The following CBFA2T3 variants were observed in gnomAD, a reference collection of about 807,000 sequenced individuals.
The protein encoded by CBFA2T3 is CBFA2/RUNX1 partner transcriptional co-repressor 3.
A neutral mutation model predicts 58.6 loss-of-function variants in CBFA2T3; 31 were observed. That is an observed-to-expected ratio of 0.53 (90% CI 0.40 to 0.71). The LOEUF (loss-of-function observed/expected upper bound fraction) is 0.71. Ranked by LOEUF, CBFA2T3 falls within the 30% of genes least tolerant of loss-of-function variation. The pLI, the probability that CBFA2T3 is intolerant of heterozygous loss-of-function variation, is 0.00. For synonymous variants in CBFA2T3, 531 were observed against 421.9 expected (o/e 1.26, Z -3.17); for missense variants, 1,076 against 963.1 (o/e 1.12, Z -1.55).
intron 5 of CBFA2T3, among the ~76,000 whole-genome samples, chr16:88,889,701 C>T (rs960046859): frequency 1.2e-4 from 18 of 151,736 alleles, no homozygotes; most frequent in South Asian, 2.1e-4. Flanking sequence ...CCTCCAGGGA[C>T]GACACCCCGC....
At chr16:88,952,138 G>C (rs945688610) in intron 1 of CBFA2T3, among the ~76,000 whole-genome samples, 2 of 152,036 alleles carry the variant, frequency 1.3e-5, no homozygotes, top group Admixed American at 6.5e-5. Flanking sequence ...GAACAGGCTC[G>C]CTACTATGCA....
chr16:88,929,745 G>A (rs957447464), intron 1 of CBFA2T3, among the ~76,000 whole-genome samples: 28 of 144,654 alleles, frequency 1.9e-4, no homozygotes, highest in African/African-American at 5.4e-4. Context: ...CCACGCAAAA[G>A]CTACCAATAC....
rs576562872 is a variant in CBFA2T3 at position 88,895,559 on chromosome 16, T to C, written c.379+2519A>G. 3.5e-4 allele frequency among the ~76,000 whole-genome samples: 53 copies of C among 152,108 alleles called. 1 individual carries two copies. Among genetic ancestry groups the C allele is most frequent in the African/African-American group, 1.3e-3 (52 of 41,464 alleles). On this transcript the variant is annotated intron_variant, in intron 3 of 11. Coordinates refer to ENST00000268679, the MANE Select transcript of CBFA2T3 (RefSeq NM_005187.6). The stretch of plus-strand genomic sequence containing the variant: ...GCCCCACACACCGAGCAAACAGCGC[T>C]GGGCACAGTGGCACAGGGGGGAGGC...
chr16:88,879,159 G>C, intron 11 of CBFA2T3, 111 bp downstream of exon 11: 2 of 933,350 alleles, frequency 2.1e-6, no homozygotes, highest in South Asian at 3.1e-5. Flanking sequence ...CAGGATGCCC[G>C]TGACAACTGT....
At chr16:88,904,153 C>T (rs1247203860) in intron 1 of CBFA2T3, among the ~76,000 whole-genome samples, 1 of 152,238 alleles carries the variant, frequency 6.6e-6, no homozygotes, top group Non-Finnish European at 1.5e-5. Flanking sequence ...GATCCCGAAG[C>T]TAGAGCAGAC....
intron 1 of CBFA2T3, among the ~76,000 whole-genome samples, chr16:88,928,940 G>C (rs191932680): frequency 1.4e-4 from 22 of 152,344 alleles, no homozygotes; most frequent in Admixed American, 1.4e-3. Context: ...GGCACGGTGG[G>C]CCAGCAGCAA....
At chr16:88,972,777 C>T (rs980400690) in intron 1 of CBFA2T3, among the ~76,000 whole-genome samples, 1 of 152,172 alleles carries the variant, frequency 6.6e-6, no homozygotes, top group Non-Finnish European at 1.5e-5. Context: ...CGACATGGAG[C>T]CCCCCAACAC....
intron 3 of CBFA2T3, among the ~76,000 whole-genome samples, chr16:88,893,052 C>G (rs543008205): frequency 1.8e-4 from 27 of 152,308 alleles, no homozygotes; most frequent in African/African-American, 5.5e-4. Flanking sequence ...TTCCCACTTT[C>G]TGGAGGCACA....
In CBFA2T3 at chr16:88,930,854, G is replaced by C. The variant is rs974028821; in HGVS notation, c.152-29198C>G. 1.9e-4 allele frequency among the ~76,000 whole-genome samples: 29 copies of C among 149,950 alleles called. 3 individuals are homozygous for C. The highest frequency in any genetic ancestry group is 6.2e-4 in the African/African-American group (25 of 40,388). The stretch of plus-strand genomic sequence containing the variant: ...ATGGGGAGGGGCAGACTGTGGGCTG[G>C]GGGTGGAGGAGTGAGTGGCAGTGGG... On this transcript the variant is annotated intron_variant, in intron 1 of 11. Coordinates refer to ENST00000268679, the MANE Select transcript of CBFA2T3 (RefSeq NM_005187.6).
At chr16:88,947,167 G>A (rs1445111141) in intron 1 of CBFA2T3, among the ~76,000 whole-genome samples, 2 of 152,236 alleles carry the variant, frequency 1.3e-5, no homozygotes, top group Non-Finnish European at 2.9e-5. Context: ...GCAATGTAGG[G>A]ACCCCCCACT....
At chr16:88,954,002 G>A (rs1972144335) in intron 1 of CBFA2T3, among the ~76,000 whole-genome samples, 1 of 152,110 alleles carries the variant, frequency 6.6e-6, no homozygotes, top group African/African-American at 2.4e-5. Flanking sequence ...TGGCTACCTA[G>A]CAGGAAGCTC....
At chr16:88,891,435 C>A (rs75553035) in intron 5 of CBFA2T3, among the ~76,000 whole-genome samples, 5 of 152,322 alleles carry the variant, frequency 3.3e-5, no homozygotes, top group Non-Finnish European at 5.9e-5. Flanking sequence ...GTGGACCGAA[C>A]GCCTTCCCAC....
intron 5 of CBFA2T3, among the ~76,000 whole-genome samples, chr16:88,887,439 C>G (rs538608901): frequency 1.7e-3 from 258 of 152,280 alleles, no homozygotes; most frequent in Non-Finnish European, 3.1e-3. Flanking sequence ...ATCTGGATCC[C>G]TGGCTGGCTG....
chr16:88,940,960 C>T, intron 1 of CBFA2T3: 1 of 851,600 alleles, frequency 1.2e-6, no homozygotes, highest in Non-Finnish European at 1.4e-6. Context: ...CCGGGAACGG[C>T]AGCCGCGGGC....
chr16:88,888,267 G>C (rs575812128), intron 5 of CBFA2T3, among the ~76,000 whole-genome samples: 17 of 150,482 alleles, frequency 1.1e-4, no homozygotes, highest in Non-Finnish European at 2.2e-4. Context: ...CTGCGTGAGA[G>C]TACCCCAGAC....
rs1181387060 is a variant in CBFA2T3, at chr16:88,903,698, G to GGC, written c.152-2044_152-2043dup. Among the ~76,000 whole-genome samples the GGC allele has an allele frequency of 2.2e-4, 30 of 136,076 alleles. 1 individual carries two copies. Among genetic ancestry groups the GGC allele is most frequent in the African/African-American group, 7.1e-4 (27 of 38,106 alleles). 89.3% of individuals were successfully genotyped at this position (136,076 alleles called of 152,430 possible). On this transcript the variant is annotated intron_variant, in intron 1 of 11. Transcript: ENST00000268679. The stretch of plus-strand genomic sequence containing the variant: ...TTCCTGGGGGGGCATTCCTGGGGGG[G>GGC]GCGTTCCTGGTGGGGGCAGCCCTTC...
At chr16:88,905,938 G>A (rs543231702) in intron 1 of CBFA2T3, among the ~76,000 whole-genome samples, 2 of 146,262 alleles carry the variant, frequency 1.4e-5, no homozygotes, top group East Asian at 3.9e-4. Context: ...GGGAGGCACC[G>A]TGGGTCCACC....
intron 1 of CBFA2T3, among the ~76,000 whole-genome samples, chr16:88,915,082 G>A (rs982691465): frequency 3.3e-5 from 5 of 151,512 alleles, no homozygotes; most frequent in Non-Finnish European, 5.9e-5. Flanking sequence ...CCTGGGGGTA[G>A]CGGGTCCCTT....
chr16:88,887,919 C>T lies in CBFA2T3; in HGVS notation c.712-1777G>A, dbSNP rs540440307. On this transcript the variant is annotated intron_variant, in intron 5 of 11. Coordinates refer to ENST00000268679, the MANE Select transcript of CBFA2T3 (RefSeq NM_005187.6). ...TGAGGCACTAGTTGAGCTACAAGGG[C>T]TTTCGCGGACTCCGCTGCTCTGCCA... Among the ~76,000 whole-genome samples the T allele has an allele frequency of 2.6e-5, 4 of 152,320 alleles. No individual in the cohort carries two copies. The East Asian group carries it at 7.7e-4, about 29-fold the overall frequency.
Sources: allele counts gnomAD v4.1 joint callset (sites outside exome capture counted in the v4.1 genomes callset), GRCh38; gene constraint gnomAD v4.1.1; transcripts MANE v1.5; gene names NCBI Gene and HGNC (gene_info 2026-07-23, HGNC 2026-07-21).